The following AKAP6 variants were observed in gnomAD, a reference collection of about 807,000 sequenced individuals.
AKAP6 encodes the protein A-kinase anchoring protein 6, also known as A-kinase anchor protein 6.
A neutral mutation model predicts 188.5 loss-of-function variants in AKAP6; 58 were observed. The observed-to-expected ratio is 0.31, with a 90% CI of 0.25 to 0.38. The LOEUF (loss-of-function observed/expected upper bound fraction) is 0.38. Ranked by LOEUF, AKAP6 falls within the 10% of genes least tolerant of loss-of-function variation. The pLI, the probability that AKAP6 is intolerant of heterozygous loss-of-function variation, is 1.00. For synonymous variants in AKAP6, 989 were observed against 998.6 expected (o/e 0.99, Z 0.18); for missense variants, 2,710 against 2,740.0 (o/e 0.99, Z 0.24).
intron 8 of AKAP6, among the ~76,000 whole-genome samples, chr14:32,694,682 A>G (rs1346699865): frequency 1.3e-5 from 2 of 152,202 alleles, no homozygotes; most frequent in African/African-American, 4.8e-5. Context: ...TATAGTTATG[A>G]TAAAGTAATT....
rs73264829 is a variant in AKAP6, at chr14:32,660,512, G to A, written c.2731-17799G>A. 3.4e-3 allele frequency among the ~76,000 whole-genome samples: 516 copies of A among 152,180 alleles called. 7 individuals carry two copies. Among genetic ancestry groups the A allele is most frequent in the African/African-American group, 0.012 (497 of 41,538 alleles). On this transcript the variant is annotated intron_variant, in intron 7 of 13. Transcript: ENST00000280979. ...GTTGGTTGGTGGGAGGAAGAAGTTC[G>A]TCAGAGCAATAAATTCTAGTTCAGG...
At chr14:32,791,687 T>C (rs1055183035) in intron 12 of AKAP6, among the ~76,000 whole-genome samples, 12 of 152,170 alleles carry the variant, frequency 7.9e-5, no homozygotes, top group Admixed American at 6.5e-5. Context: ...AGTCAGGAAG[T>C]CTTTGCCCAT....
At chr14:32,582,021 A>T (rs1314843507) in intron 5 of AKAP6, among the ~76,000 whole-genome samples, 1 of 151,866 alleles carries the variant, frequency 6.6e-6, no homozygotes, top group Admixed American at 6.6e-5. Flanking sequence ...TTATGTGTGA[A>T]TTTGATCCTG....
chr14:32,831,801 G>T lies in AKAP6; in HGVS notation c.*1996G>T, dbSNP rs1566746197. 1 of 152,084 alleles carries T rather than the reference G, an allele frequency of 6.6e-6. No individual in the cohort carries two copies. The highest frequency in any genetic ancestry group is 2.4e-5 in the African/African-American group (1 of 41,422). The allele number at this position is 152,084 out of a possible 1,614,324, so 9.4% of individuals were successfully genotyped here. A position where few individuals can be genotyped will look rare whatever the true frequency, so the allele number is the denominator to read the frequency against. On this transcript the variant is annotated 3_prime_UTR_variant, in exon 14 of 14. Coordinates refer to ENST00000280979, the MANE Select transcript of AKAP6 (RefSeq NM_004274.5). ...AATATTCATGAAACTTCATTGCAGGGGTAATAGAAGAAAAAGTAAATTGGG... is the reference window on the plus strand; with the variant it reads ...AATATTCATGAAACTTCATTGCAGGTGTAATAGAAGAAAAAGTAAATTGGG...
At chr14:32,592,320 G>C (rs1446203537) in intron 5 of AKAP6, among the ~76,000 whole-genome samples, 2 of 152,210 alleles carry the variant, frequency 1.3e-5, no homozygotes, top group Non-Finnish European at 2.9e-5. Flanking sequence ...ACACAACGTA[G>C]TATGTGAAGG....
intron 2 of AKAP6, among the ~76,000 whole-genome samples, chr14:32,480,423 A>G (rs1879282285): frequency 1.3e-5 from 2 of 152,210 alleles, no homozygotes; most frequent in Non-Finnish European, 2.9e-5. Flanking sequence ...TGCAGGATCC[A>G]AAGGACTTTC....
intron 7 of AKAP6, among the ~76,000 whole-genome samples, chr14:32,615,415 T>C (rs1886531695): frequency 6.6e-6 from 1 of 150,914 alleles, no homozygotes. Flanking sequence ...TTCCTTCTTT[T>C]TTTTTTTTAA....
At chr14:32,829,617 T>TAAAA (rs34458249) in intron 13 of AKAP6, among the ~76,000 whole-genome samples, 5 of 147,476 alleles carry the variant, frequency 3.4e-5, no homozygotes, top group Admixed American at 1.4e-4. Flanking sequence ...CACGTCTTTT[T>TAAAA]AAAAAAAAAA....
chr14:32,535,713 C>T lies in AKAP6; in HGVS notation c.484C>T (p.Arg162Trp). The T allele has an allele frequency of 1.2e-6, 2 of 1,614,192 alleles. No homozygotes were observed. Among genetic ancestry groups the T allele is most frequent in the Non-Finnish European group, 1.7e-6 (2 of 1,180,010 alleles). The change falls in exon 3 of 14, where the codon CGG becomes TGG. Residue 162 changes from arginine (R) to tryptophan (W), a missense_variant. Physicochemically the swap from Arg to Trp is moderately radical, Grantham distance 101. This residue lies in a region of AKAP6 where 237 missense variants were observed against 313.9 expected (regional missense o/e 0.76). Transcript: ENST00000280979. ...HQLRVSVLVL[R>W]ERILQGLQDA... Reference sequence around the variant, plus strand: ...GCTTCGAGTCTCAGTGCTGGTTCTGCGGGAGCGCATTCTGCAAGGTCTGCA... The same window carrying T: ...GCTTCGAGTCTCAGTGCTGGTTCTGTGGGAGCGCATTCTGCAAGGTCTGCA...
rs768383500 is a variant in AKAP6, at chr14:32,735,831, A to G, written c.3321A>G (p.Arg1107=). 3 of 1,613,398 alleles carry G rather than the reference A, an allele frequency of 1.9e-6. No individual in the cohort carries two copies. Among genetic ancestry groups the G allele is most frequent in the East Asian group, 2.2e-5 (1 of 44,856 alleles). The stretch of plus-strand genomic sequence containing the variant: ...TTTTCATCTTCAATTCCTGTCTGAG[A>G]CAAGAAAAGGAAGGAACAATGAATA... ...TELFIFNSCL[R]QEKEGTMNTE... is the part of the protein sequence containing the mutation. The change falls in exon 11 of 14, where the codon AGA becomes AGG. Residue 1107 remains arginine, a synonymous_variant. Coordinates refer to ENST00000280979, the MANE Select transcript of AKAP6 (RefSeq NM_004274.5).
Position 32,381,890 on chromosome 14 carries a change from C to T in AKAP6, c.-34-51570C>T, listed in dbSNP as rs143065708. 3.4e-3 allele frequency among the ~76,000 whole-genome samples: 524 copies of T among 152,250 alleles called. 4 individuals carry two copies. Among genetic ancestry groups the T allele is most frequent in the African/African-American group, 0.011 (473 of 41,534 alleles). On this transcript the variant is annotated intron_variant, in intron 1 of 13. Transcript: ENST00000280979. Reference sequence around the variant, plus strand: ...TCTCTCCTCACCTCCATCCTCAAACCCTCACCTGCCTCAGGTCCAAAGTAC... The same window carrying T: ...TCTCTCCTCACCTCCATCCTCAAACTCTCACCTGCCTCAGGTCCAAAGTAC...
intron 2 of AKAP6, among the ~76,000 whole-genome samples, chr14:32,450,160 C>T (rs1336336101): frequency 6.6e-6 from 1 of 152,104 alleles, no homozygotes; most frequent in Non-Finnish European, 1.5e-5. Flanking sequence ...TAAATATTCA[C>T]CTCTGAAGAT....
rs779141776 is a variant in AKAP6 at position 32,824,110 on chromosome 14, C to T, written c.6297C>T (p.His2099=). 6.2e-7 allele frequency: 1 copy of T among 1,613,960 alleles called. No homozygotes were observed. Among genetic ancestry groups the T allele is most frequent in the Non-Finnish European group, 8.5e-7 (1 of 1,179,930 alleles). ...AGGAGAAAGTGTTGGAGCATTCTCA[C>T]CGGCCCATCCAGCTGAGAAAAGGGG... is the stretch of plus-strand genomic sequence containing the variant. ...QIKEKVLEHS[H]RPIQLRKGDF... Residue 2099 remains histidine, a synonymous_variant, in exon 13 of 14, where the codon CAC becomes CAT. Transcript: ENST00000280979.
chr14:32,771,340 G>GA (rs1298028664), intron 11 of AKAP6, among the ~76,000 whole-genome samples: 1,057 of 80,912 alleles, frequency 0.013, 9 homozygotes, highest in African/African-American at 0.047. Context: ...TTCATTTAAA[G>GA]GAAAAAAAAA....
rs1410005541 is a variant in AKAP6, at chr14:32,546,600, C to T, written c.1947C>T (p.Asn649=). 2 of 1,614,040 alleles carry T rather than the reference C, an allele frequency of 1.2e-6. No individual in the cohort carries two copies. The highest frequency in any genetic ancestry group is 1.7e-6 in the Non-Finnish European group (2 of 1,180,030). The change falls in exon 4 of 14, where the codon AAC becomes AAT. Residue 649 remains asparagine, a synonymous_variant. Coordinates refer to ENST00000280979, the MANE Select transcript of AKAP6 (RefSeq NM_004274.5). Reference sequence around the variant, plus strand: ...AAGTATTGGCTTTGAAGTTGGAAAACCTAACAAAGCTTCTGCCTCAGAAAC... The same window carrying T: ...AAGTATTGGCTTTGAAGTTGGAAAATCTAACAAAGCTTCTGCCTCAGAAAC... The part of the protein sequence containing the change: ...QTEVLALKLE[N]LTKLLPQKPR...
chr14:32,490,982 G>A (rs1879983047), intron 2 of AKAP6, among the ~76,000 whole-genome samples: 2 of 152,164 alleles, frequency 1.3e-5, no homozygotes, highest in South Asian at 2.1e-4. Flanking sequence ...ATGCCTCTGG[G>A]AGGAACAAAG....
chr14:32,411,036 G>A (rs1889467333), intron 1 of AKAP6, among the ~76,000 whole-genome samples: 1 of 152,128 alleles, frequency 6.6e-6, no homozygotes. Flanking sequence ...TCAGCTATGA[G>A]CCTCACTATA....
chr14:32,807,510 G>A (rs993572448), intron 12 of AKAP6, among the ~76,000 whole-genome samples: 1 of 152,094 alleles, frequency 6.6e-6, no homozygotes, highest in Non-Finnish European at 1.5e-5. Context: ...TTTGAAAGTG[G>A]TTCATGTGAT....
intron 2 of AKAP6, among the ~76,000 whole-genome samples, chr14:32,510,447 TATAC>T (rs1398556498): frequency 4.5e-5 from 1 of 21,998 alleles, no homozygotes; most frequent in Non-Finnish European, 1.0e-4. Flanking sequence ...TGTATATATA[TATAC>T]ATATATATGT....
Sources: allele counts gnomAD v4.1 joint callset (sites outside exome capture counted in the v4.1 genomes callset), GRCh38; gene constraint gnomAD v4.1.1; regional missense constraint gnomAD v4.1.1; transcripts MANE v1.5; gene names NCBI Gene and HGNC (gene_info 2026-07-23, HGNC 2026-07-21).